The following PCDH9 variants were observed in gnomAD, a reference collection of about 807,000 sequenced individuals.
PCDH9 encodes protocadherin-9.
PCDH9 carries 24 observed loss-of-function variants against 70.6 expected under a neutral mutation model. That is an observed-to-expected ratio of 0.34 (90% CI 0.25 to 0.48). The LOEUF is 0.48. Among genes scored for constraint, PCDH9 ranks in the 20% least tolerant of loss-of-function variants. PCDH9 has a pLI of 0.99. For missense variants in PCDH9, 1,281 were observed against 1,503.6 expected (o/e 0.85, Z 2.45); for synonymous variants, 562 against 558.5 (o/e 1.01, Z -0.09).
chr13:66,677,072 GACCATGGTT>G (rs959741920), intron 3 of PCDH9, among the ~76,000 whole-genome samples: 4 of 152,002 alleles, frequency 2.6e-5, no homozygotes, highest in African/African-American at 9.7e-5. Flanking sequence ...TTAATGGATT[GACCATGGTT>G]ATAAAATCAT....
intron 2 of PCDH9, among the ~76,000 whole-genome samples, chr13:67,180,422 T>C (rs529915790): frequency 1.1e-4 from 16 of 152,234 alleles, no homozygotes; most frequent in Admixed American, 7.2e-4. Flanking sequence ...AAGCTCACTG[T>C]TGGGCTCCTG....
chr13:67,149,660 C>T (rs894746610), intron 2 of PCDH9, among the ~76,000 whole-genome samples: 1 of 151,830 alleles, frequency 6.6e-6, no homozygotes, highest in Non-Finnish European at 1.5e-5. Context: ...AAAGGAATTA[C>T]GATTTCAACT....
At chr13:67,113,595 T>G (rs557015191) in intron 2 of PCDH9, among the ~76,000 whole-genome samples, 43 of 152,180 alleles carry the variant, frequency 2.8e-4, no homozygotes, top group African/African-American at 9.6e-4. Flanking sequence ...TCGCCCAGGC[T>G]GGAGTGCGGT....
intron 3 of PCDH9, among the ~76,000 whole-genome samples, chr13:66,653,698 T>G (rs925688744): frequency 2.0e-5 from 3 of 152,022 alleles, no homozygotes; most frequent in Admixed American, 6.6e-5. Flanking sequence ...CCGGGCACGG[T>G]GGCTCATGCC....
intron 4 of PCDH9, among the ~76,000 whole-genome samples, chr13:66,624,963 T>TAGAC (rs71106982): frequency 6.6e-6 from 1 of 152,046 alleles, no homozygotes; most frequent in Non-Finnish European, 1.5e-5. Context: ...CGTAAAAAAA[T>TAGAC]AGCCTAATGT....
chr13:66,447,143 A>G lies in PCDH9; in HGVS notation c.3341-142115T>C, dbSNP rs185720808. ...TCTCTATTTACGGTCGGAAATATTT[A>G]GTAAATTTTATGAAATGTTATTTTT... On this transcript the variant is annotated intron_variant, in intron 4 of 4. Transcript: ENST00000377865. Among the ~76,000 whole-genome samples the G allele has an allele frequency of 1.7e-3, 257 of 152,194 alleles. 1 individual carries two copies. Among genetic ancestry groups the G allele is most frequent in the Non-Finnish European group, 3.1e-3 (213 of 67,918 alleles).
At chr13:67,066,406 G>T (rs2138141673) in intron 2 of PCDH9, among the ~76,000 whole-genome samples, 1 of 152,224 alleles carries the variant, frequency 6.6e-6, no homozygotes, top group East Asian at 1.9e-4. Flanking sequence ...GCTAATTTTT[G>T]TATTTTTGGT....
At chr13:66,983,251 G>T (rs879903814) in intron 2 of PCDH9, among the ~76,000 whole-genome samples, 1 of 151,672 alleles carries the variant, frequency 6.6e-6, no homozygotes, top group Non-Finnish European at 1.5e-5. Flanking sequence ...GAAGAAAAAT[G>T]AATAAAAATA....
chr13:66,647,022 A>G (rs1190632374), intron 3 of PCDH9, among the ~76,000 whole-genome samples: 1 of 152,174 alleles, frequency 6.6e-6, no homozygotes, highest in Non-Finnish European at 1.5e-5. Context: ...AGCCCTAGCC[A>G]GAGGGGAATC....
intron 3 of PCDH9, among the ~76,000 whole-genome samples, chr13:66,637,123 A>G (rs1453476730): frequency 6.6e-6 from 1 of 152,166 alleles, no homozygotes; most frequent in Admixed American, 6.5e-5. Context: ...GTTCCTCAAT[A>G]CGGTCTTACC....
rs572183932 is a variant in PCDH9, at chr13:66,658,487, T to C, written c.3139-27076A>G. Among the ~76,000 whole-genome samples the C allele has an allele frequency of 1.2e-4, 18 of 152,262 alleles. No individual in the cohort carries two copies. The South Asian group carries it at 3.7e-3, about 32-fold the overall frequency. On this transcript the variant is annotated intron_variant, in intron 3 of 4. Coordinates refer to ENST00000377865, the MANE Select transcript of PCDH9 (RefSeq NM_203487.3). ...ATTTTTATGTCCTTCCTCAAAACTT[T>C]CATGAATGTATATACATATAGCAAT...
At chr13:66,353,136 T>G (rs1328480661) in intron 4 of PCDH9, among the ~76,000 whole-genome samples, 12 of 152,210 alleles carry the variant, frequency 7.9e-5, no homozygotes, top group Non-Finnish European at 1.6e-4. Context: ...TCCCCTCTTT[T>G]GATTTTTCTT....
At chr13:67,198,772 A>T (rs919416346) in intron 2 of PCDH9, among the ~76,000 whole-genome samples, 1 of 151,948 alleles carries the variant, frequency 6.6e-6, no homozygotes, top group Non-Finnish European at 1.5e-5. Context: ...TCATATGAAT[A>T]AATAGTTACT....
chr13:66,376,885 T>C (rs879432343), intron 4 of PCDH9, among the ~76,000 whole-genome samples: 3 of 152,216 alleles, frequency 2.0e-5, no homozygotes, highest in Non-Finnish European at 2.9e-5. Flanking sequence ...TGTTTTTTGT[T>C]ATTCCTGCTT....
chr13:66,725,278 T>A (rs1038235143), intron 3 of PCDH9, among the ~76,000 whole-genome samples: 1 of 152,204 alleles, frequency 6.6e-6, no homozygotes, highest in Non-Finnish European at 1.5e-5. Flanking sequence ...ACTTGGTTGA[T>A]TGTCCAAGCT....
intron 3 of PCDH9, among the ~76,000 whole-genome samples, chr13:66,809,652 C>G (rs1348386113): frequency 1.3e-5 from 2 of 152,168 alleles, no homozygotes; most frequent in East Asian, 3.8e-4. Flanking sequence ...CATGTAGAGA[C>G]TTTCAGGTCA....
At chr13:66,632,999 A>G (rs1357685415) in intron 3 of PCDH9, among the ~76,000 whole-genome samples, 4 of 152,186 alleles carry the variant, frequency 2.6e-5, no homozygotes, top group Admixed American at 6.5e-5. Context: ...ACAAAATAGT[A>G]TAGATAGGTA....
chr13:67,040,736 G>C (rs1479415826), intron 2 of PCDH9, among the ~76,000 whole-genome samples: 2 of 151,898 alleles, frequency 1.3e-5, no homozygotes, highest in Admixed American at 6.6e-5. Flanking sequence ...TGGAGGTCAG[G>C]GATATTAGAA....
intron 4 of PCDH9, among the ~76,000 whole-genome samples, chr13:66,314,923 G>A (rs948842021): frequency 6.6e-6 from 1 of 152,192 alleles, no homozygotes; most frequent in Non-Finnish European, 1.5e-5. Context: ...AGTCAGTTGT[G>A]TTTTAGTTAA....
Sources: allele counts gnomAD v4.1 joint callset (sites outside exome capture counted in the v4.1 genomes callset), GRCh38; gene constraint gnomAD v4.1.1; transcripts MANE v1.5; gene names NCBI Gene and HGNC (gene_info 2026-07-23, HGNC 2026-07-21).